COG5: variants seen among roughly 807,000 people sequenced by gnomAD.
COG5 encodes conserved oligomeric Golgi complex subunit 5.
COG5 carries 86 observed loss-of-function variants against 110.4 expected under a neutral mutation model. The observed-to-expected ratio is 0.78, with a 90% confidence interval of 0.65 to 0.93. The LOEUF is 0.93. COG5 is among the 40% of genes least tolerant of loss of function. COG5 has a pLI of 0.00. For synonymous variants in COG5, 360 were observed against 334.6 expected (o/e 1.08, Z -0.83); for missense variants, 1,077 against 987.0 (o/e 1.09, Z -1.22).
At chr7:107,294,884 TGTG>T (rs1806489473) in intron 12 of COG5, among the ~76,000 whole-genome samples, 2 of 722 alleles carry the variant, frequency 2.8e-3, no homozygotes, top group Admixed American at 0.021. Context: ...CCTGGATTTG[TGTG>T]TGTGTGTGTG....
chr7:107,434,744 G>A (rs925481161), intron 6 of COG5, among the ~76,000 whole-genome samples: 26 of 152,300 alleles, frequency 1.7e-4, no homozygotes, highest in Non-Finnish European at 3.4e-4. Flanking sequence ...GCCAAGGTGG[G>A]CGGATCACTA....
At chr7:107,456,144 G>C (rs1795657747) in intron 6 of COG5, among the ~76,000 whole-genome samples, 1 of 152,118 alleles carries the variant, frequency 6.6e-6, no homozygotes, top group Non-Finnish European at 1.5e-5. Flanking sequence ...GCATGATTCA[G>C]AATATTGCTA....
chr7:107,505,392 T>C (rs1200676582), intron 6 of COG5, among the ~76,000 whole-genome samples: 2 of 152,162 alleles, frequency 1.3e-5, no homozygotes, highest in Non-Finnish European at 2.9e-5. Flanking sequence ...AGAAAATTCA[T>C]CTGCAGGAAT....
intron 11 of COG5, among the ~76,000 whole-genome samples, chr7:107,316,490 G>A (rs1808751729): frequency 1.3e-5 from 2 of 151,878 alleles, no homozygotes; most frequent in Non-Finnish European, 2.9e-5. Context: ...GAAGACATGT[G>A]GAGAATACTG....
intron 10 of COG5, among the ~76,000 whole-genome samples, chr7:107,332,887 A>G (rs906645990): frequency 3.3e-5 from 5 of 152,200 alleles, no homozygotes; most frequent in African/African-American, 1.2e-4. Context: ...GAAAACCAAG[A>G]CGGGATGATG....
Position 107,509,964 on chromosome 7 carries a change from A to G in COG5, c.538+17273T>C, listed in dbSNP as rs1295287492. On this transcript the variant is annotated intron_variant, in intron 6 of 21. Coordinates refer to ENST00000297135, the MANE Select transcript of COG5 (RefSeq NM_006348.5). ...AAAAACATGACAAAATGTAAAGACC[A>G]TCAAGGCTAGGAAGAAACTGCATCA... Among the ~76,000 whole-genome samples, 7 of 152,220 alleles carry G rather than the reference A, an allele frequency of 4.6e-5. No homozygotes were observed. In the East Asian group the frequency reaches 9.6e-4, roughly 21 times the overall value.
rs189020302 is a variant in COG5 at position 107,262,898 on chromosome 7, T to C, written c.1576-4515A>G. Among the ~76,000 whole-genome samples, 374 of 152,340 alleles carry C rather than the reference T, an allele frequency of 2.5e-3. 1 individual carries two copies. The highest frequency in any genetic ancestry group is 1.6e-3 in the Non-Finnish European group (112 of 68,032). On this transcript the variant is annotated intron_variant, in intron 14 of 21. Coordinates refer to ENST00000297135, the MANE Select transcript of COG5 (RefSeq NM_006348.5). The stretch of plus-strand genomic sequence containing the variant: ...TAATAATACAGTTTATACCAAAGTA[T>C]GCTATGTAAACTGTAAAATGCCTTA...
At chr7:107,512,312 T>C (rs1351303036) in intron 6 of COG5, among the ~76,000 whole-genome samples, 1 of 152,014 alleles carries the variant, frequency 6.6e-6, no homozygotes, top group Non-Finnish European at 1.5e-5. Flanking sequence ...TCAAAGAGAA[T>C]AAAATACCTA....
At chr7:107,281,053 G>T (rs1011499661) in intron 14 of COG5, among the ~76,000 whole-genome samples, 1 of 151,772 alleles carries the variant, frequency 6.6e-6, no homozygotes, top group Non-Finnish European at 1.5e-5. Flanking sequence ...TGGCACATGC[G>T]TTAAAAAAGG....
At chr7:107,337,143 A>T (rs1181110247) in intron 10 of COG5, among the ~76,000 whole-genome samples, 1 of 152,128 alleles carries the variant, frequency 6.6e-6, no homozygotes, top group Non-Finnish European at 1.5e-5. Context: ...AAAAAACAAA[A>T]AATAACACAT....
intron 8 of COG5, 74 bp downstream of exon 8, chr7:107,372,521 G>C: frequency 7.2e-7 from 1 of 1,386,930 alleles, no homozygotes. Context: ...TGAAACATGA[G>C]TGTTTCACAT....
intron 12 of COG5, among the ~76,000 whole-genome samples, chr7:107,288,354 C>G (rs1399331278): frequency 1.3e-5 from 2 of 152,050 alleles, no homozygotes; most frequent in Non-Finnish European, 2.9e-5. Flanking sequence ...AGAACGAGAC[C>G]CAGTTTCAAG....
intron 16 of COG5, among the ~76,000 whole-genome samples, chr7:107,250,501 A>G (rs1802421714): frequency 6.6e-6 from 1 of 152,190 alleles, no homozygotes; most frequent in Non-Finnish European, 1.5e-5. Flanking sequence ...TTCAGGATTT[A>G]TTCAAAATTA....
intron 10 of COG5, among the ~76,000 whole-genome samples, chr7:107,330,204 T>A (rs1810119113): frequency 6.6e-6 from 1 of 152,214 alleles, no homozygotes; most frequent in African/African-American, 2.4e-5. Flanking sequence ...ATTTAAAGTA[T>A]CTTTCTGACC....
chr7:107,533,122 T>G (rs1448434306), intron 5 of COG5, among the ~76,000 whole-genome samples: 1 of 151,272 alleles, frequency 6.6e-6, no homozygotes, highest in Non-Finnish European at 1.5e-5. Context: ...CTGAAAGCAA[T>G]AGCATCAACA....
At chr7:107,557,527 C>T (rs981465524) in intron 2 of COG5, among the ~76,000 whole-genome samples, 1 of 152,166 alleles carries the variant, frequency 6.6e-6, no homozygotes, top group African/African-American at 2.4e-5. Flanking sequence ...TAGGACCCGT[C>T]GCCTAACATC....
At chr7:107,348,931 A>G (rs1811880664) in intron 10 of COG5, among the ~76,000 whole-genome samples, 1 of 151,694 alleles carries the variant, frequency 6.6e-6, no homozygotes. Context: ...ATGCCATTAT[A>G]GCCCACTGCA....
chr7:107,329,952 T>C (rs988965678), intron 10 of COG5, among the ~76,000 whole-genome samples: 4 of 152,206 alleles, frequency 2.6e-5, no homozygotes, highest in African/African-American at 4.8e-5. Context: ...TATAATTTCC[T>C]GCATAAAGAA....
rs112774156 is a variant in COG5, at chr7:107,442,753, C to T, written c.539-30121G>A. On this transcript the variant is annotated intron_variant, in intron 6 of 21. Transcript: ENST00000297135. ...TGGGTAGATGGCAGACCCAATAATA[C>T]GCTATAATAGATGTGTTTCAGAGAA... Among the ~76,000 whole-genome samples, 19 of 150,930 alleles carry T rather than the reference C, an allele frequency of 1.3e-4. 3 individuals carry two copies. Among genetic ancestry groups the T allele is most frequent in the South Asian group, 4.2e-4 (2 of 4,770 alleles).
Sources: gnomAD v4.1 joint callset for allele counts (sites outside exome capture counted in the v4.1 genomes callset) on GRCh38, gnomAD v4.1.1 for gene constraint, MANE v1.5 for transcripts, NCBI Gene and HGNC (gene_info 2026-07-23, HGNC 2026-07-21) for gene names.